Variants in ZNF480 observed in about 807,000 individuals in gnomAD.
The protein encoded by ZNF480 is zinc finger protein 480.
ZNF480 carries 15 observed loss-of-function variants against 14.4 expected under a neutral mutation model. The ratio of observed to expected loss-of-function variants is 1.04; its 90% CI spans 0.70 to 1.60. The LOEUF is 1.60. ZNF480 is among the 40% of genes most tolerant of loss of function. ZNF480 has a pLI of 0.00. For missense variants in ZNF480, 593 were observed against 629.7 expected (o/e 0.94, Z 0.62); for synonymous variants, 218 against 215.5 (o/e 1.01, Z -0.10).
rs1983462668 is a variant in ZNF480 at position 52,314,590 on chromosome 19, G to A, written c.199+311G>A. On this transcript the variant is annotated intron_variant, in intron 3 of 4. Coordinates refer to ENST00000595962, the MANE Select transcript of ZNF480 (RefSeq NM_144684.4). ...AGGCCAAGGCAGGAGGATCACTTGA[G>A]GTCAGGAGTTTGAGACCAGCCTGGC... Among the ~76,000 whole-genome samples the A allele has an allele frequency of 2.6e-5, 4 of 151,608 alleles. No individual in the cohort carries two copies. In the South Asian group the frequency reaches 6.2e-4, roughly 24 times the overall value.
In ZNF480 at chr19:52,322,193, T is replaced by A. The variant is rs1983860727; in HGVS notation, c.943T>A (p.Tyr315Asn). The change falls in exon 5 of 5, where the codon TAC becomes AAC. Residue 315 changes from tyrosine (Y) to asparagine (N), a missense_variant. Transcript: ENST00000595962. ...HQRIHAEEKPYKCNECGKGFS... is the reference protein window; with the variant it reads ...HQRIHAEEKPNKCNECGKGFS... ...AAGAATTCATGCTGAAGAGAAACCT[T>A]ACAAATGTAATGAATGTGGTAAAGG... 1 of 1,613,976 alleles carries A rather than the reference T, an allele frequency of 6.2e-7. No individual in the cohort carries two copies. The highest frequency in any genetic ancestry group is 1.3e-5 in the African/African-American group (1 of 74,928).
chr19:52,309,336 G>T (rs549682230), intron 2 of ZNF480, among the ~76,000 whole-genome samples: 1 of 152,238 alleles, frequency 6.6e-6, no homozygotes, highest in South Asian at 2.1e-4. Context: ...CACTGAAGGG[G>T]GTGACCAGGT....
chr19:52,317,056 C>T (rs922293354), intron 4 of ZNF480, among the ~76,000 whole-genome samples: 21 of 151,982 alleles, frequency 1.4e-4, no homozygotes, highest in African/African-American at 4.6e-4. Flanking sequence ...CTCACTGTCT[C>T]GCCCAGGCTG....
intron 2 of ZNF480, among the ~76,000 whole-genome samples, chr19:52,304,319 G>A (rs971443795): frequency 1.3e-5 from 2 of 152,192 alleles, no homozygotes; most frequent in Non-Finnish European, 2.9e-5. Flanking sequence ...AGTCCTGGCT[G>A]CAATGTCCCC....
In ZNF480 at chr19:52,324,141, A is replaced by C. The variant is rs1245075007; in HGVS notation, c.*1283A>C. 2.6e-5 allele frequency: 4 copies of C among 152,198 alleles called. No individual in the cohort carries two copies. The highest frequency in any genetic ancestry group is 4.4e-5 in the Non-Finnish European group (3 of 68,028). 9.4% of individuals were successfully genotyped at this position (152,198 alleles called of 1,614,324 possible). A position where few individuals can be genotyped will look rare whatever the true frequency, so the allele number is the denominator to read the frequency against. The stretch of plus-strand genomic sequence containing the variant: ...GTGTACAAAAATTAGTTGCATTTCT[A>C]TACACCAGTAATGTCCAAGCTATGA... On this transcript the variant is annotated 3_prime_UTR_variant, in exon 5 of 5. Coordinates refer to ENST00000595962, the MANE Select transcript of ZNF480 (RefSeq NM_144684.4).
chr19:52,298,963 G>C (rs1982552683), intron 1 of ZNF480, among the ~76,000 whole-genome samples: 1 of 152,174 alleles, frequency 6.6e-6, no homozygotes, highest in South Asian at 2.1e-4. Flanking sequence ...TGATTAAGTT[G>C]TGACATTGAT....
At position 52,322,380 on chromosome 19, in the gene ZNF480, G is replaced by C. The variant is rs1983874301; in HGVS notation, c.1130G>C (p.Gly377Ala). ...AAACCTTACAAATGTAATGAATGTG[G>C]AAAGGTCTTTATTCAAAATTCGCAC... ...GEKPYKCNECGKVFIQNSHLA... is the reference protein window; with the variant it reads ...GEKPYKCNECAKVFIQNSHLA... The change falls in exon 5 of 5, where the codon GGA (glycine) becomes GCA (alanine). Residue 377 changes from glycine to alanine, a missense_variant. Physicochemically the swap from Gly to Ala is moderately conservative, Grantham distance 60. Coordinates refer to ENST00000595962, the MANE Select transcript of ZNF480 (RefSeq NM_144684.4). The C allele has an allele frequency of 1.2e-6, 2 of 1,613,952 alleles. No homozygotes were observed.
intron 1 of ZNF480, among the ~76,000 whole-genome samples, chr19:52,298,457 A>C (rs1239077371): frequency 6.6e-6 from 1 of 151,922 alleles, no homozygotes; most frequent in East Asian, 1.9e-4. Context: ...ACATGGTGAA[A>C]CCCCATCTCT....
chr19:52,306,114 A>C (rs2122524726), intron 2 of ZNF480, among the ~76,000 whole-genome samples: 1 of 152,212 alleles, frequency 6.6e-6, no homozygotes, highest in East Asian at 1.9e-4. Flanking sequence ...ATACCATCAC[A>C]AGCTTTAATA....
rs183295025 is a variant in ZNF480, at chr19:52,305,606, C to A, written c.72+5122C>A. ...GCACTCCTTTTAAATTTAAACTAGACCTACCTAGAAGTAATCCTACTGTCC... is the reference window on the plus strand; with the variant it reads ...GCACTCCTTTTAAATTTAAACTAGAACTACCTAGAAGTAATCCTACTGTCC... On this transcript the variant is annotated intron_variant, in intron 2 of 4. Coordinates refer to ENST00000595962, the MANE Select transcript of ZNF480 (RefSeq NM_144684.4). 4.7e-4 allele frequency among the ~76,000 whole-genome samples: 72 copies of A among 152,344 alleles called. No individual in the cohort carries two copies. The East Asian group carries it at 0.012, about 26-fold the overall frequency.
rs1465282580 is a variant in ZNF480 at position 52,315,918 on chromosome 19, CAAAA to C, written c.287_290del (p.Lys96IlefsTer11). ...TCTGGTGAGAGTGAAGTGAAAATAG[CAAAA>C]AATTCAGATGGGAGGGAGTGCATCA... On this transcript the variant is annotated frameshift_variant, in exon 4 of 5. Coordinates refer to ENST00000595962, the MANE Select transcript of ZNF480 (RefSeq NM_144684.4). LOFTEE classifies it low-confidence loss of function (END_TRUNC). 3.7e-6 allele frequency: 6 copies of C among 1,611,860 alleles called. No homozygotes were observed. In the East Asian group the frequency reaches 1.3e-4, roughly 36 times the overall value.
At position 52,324,649 on chromosome 19, in the gene ZNF480, A is replaced by G. The variant is rs1010631153; in HGVS notation, c.*1791A>G. On this transcript the variant is annotated 3_prime_UTR_variant, in exon 5 of 5. Coordinates refer to ENST00000595962, the MANE Select transcript of ZNF480 (RefSeq NM_144684.4). ...GAAATAAAGGCATATACCTACAACC[A>G]TGTGATCCTCAACAAAACTGACAAG... 6.6e-6 allele frequency: 1 copy of G among 152,178 alleles called. No homozygotes were observed. Among genetic ancestry groups the G allele is most frequent in the Non-Finnish European group, 1.5e-5 (1 of 68,022 alleles). 9.4% of individuals were successfully genotyped at this position (152,178 alleles called of 1,614,324 possible). A position where few individuals can be genotyped will look rare whatever the true frequency, so the allele number is the denominator to read the frequency against.
At chr19:52,304,082 A>G (rs562823144) in intron 2 of ZNF480, among the ~76,000 whole-genome samples, 1 of 152,354 alleles carries the variant, frequency 6.6e-6, no homozygotes, top group Non-Finnish European at 1.5e-5. Flanking sequence ...TTTTATGAGT[A>G]GGTTCAATTG....
chr19:52,299,809 T>C (rs781164887), intron 1 of ZNF480, among the ~76,000 whole-genome samples: 1 of 152,222 alleles, frequency 6.6e-6, no homozygotes, highest in Non-Finnish European at 1.5e-5. Context: ...TTCTCCTGCC[T>C]CAGCCTCCCA....
In ZNF480 at chr19:52,324,793, A is replaced by T. The variant is rs1984014144; in HGVS notation, c.*1935A>T. The T allele has an allele frequency of 6.6e-6, 1 of 152,220 alleles. No homozygotes were observed. Among genetic ancestry groups the T allele is most frequent in the Non-Finnish European group, 1.5e-5 (1 of 68,030 alleles). The allele number at this position is 152,220 out of a possible 1,614,324, so 9.4% of individuals were successfully genotyped here. A position where few individuals can be genotyped will look rare whatever the true frequency, so the allele number is the denominator to read the frequency against. The stretch of plus-strand genomic sequence containing the variant: ...TACAAAAATCAACTCAAGATGGATT[A>T]AAGACTTAAATATAAAACCTAAAAG... On this transcript the variant is annotated 3_prime_UTR_variant, in exon 5 of 5. Transcript: ENST00000595962.
intron 2 of ZNF480, among the ~76,000 whole-genome samples, chr19:52,306,298 T>G (rs894861545): frequency 6.6e-6 from 1 of 152,192 alleles, no homozygotes; most frequent in African/African-American, 2.4e-5. Context: ...GTTCTTTCAG[T>G]CCCTGCTTGA....
At position 52,300,657 on chromosome 19, in the gene ZNF480, T is replaced by C. The variant is rs565821512; in HGVS notation, c.72+173T>C. 2.2e-4 allele frequency: 244 copies of C among 1,102,422 alleles called. 1 individual carries two copies. The Admixed American group carries it at 5.7e-3, about 26-fold the overall frequency. The allele number at this position is 1,102,422 out of a possible 1,614,324, so 68.3% of individuals were successfully genotyped here. A position where few individuals can be genotyped will look rare whatever the true frequency, so the allele number is the denominator to read the frequency against. ...CTTGGTCGTGGGGACCCTAACCTAG[T>C]GGCACTAGAGGAATTAAAGACACAG... On this transcript the variant is annotated intron_variant, in intron 2 of 4. Coordinates refer to ENST00000595962, the MANE Select transcript of ZNF480 (RefSeq NM_144684.4).
intron 4 of ZNF480, among the ~76,000 whole-genome samples, chr19:52,319,935 A>T (rs1983736851): frequency 6.6e-6 from 1 of 150,400 alleles, no homozygotes; most frequent in South Asian, 2.1e-4. Context: ...CTCCTGCCAC[A>T]GCCTCCTGAG....
chr19:52,301,448 C>G (rs1426847991), intron 2 of ZNF480: 1 of 152,188 alleles, frequency 6.6e-6, no homozygotes, highest in Non-Finnish European at 1.5e-5. Context: ...TACTCATGCT[C>G]TGTTTCATTA....
Sources: gnomAD v4.1 joint callset for allele counts (sites outside exome capture counted in the v4.1 genomes callset) on GRCh38, gnomAD v4.1.1 for gene constraint, MANE v1.5 for transcripts, NCBI Gene and HGNC (gene_info 2026-07-23, HGNC 2026-07-21) for gene names.